The following EFNA5 variants were observed in gnomAD, a reference collection of about 807,000 sequenced individuals.
EFNA5 encodes the protein ephrin-A5.
A neutral mutation model predicts 22.9 loss-of-function variants in EFNA5; 5 were observed. The ratio of observed to expected loss-of-function variants is 0.22; its 90% CI spans 0.11 to 0.46. EFNA5 has a LOEUF of 0.46. EFNA5 is among the 20% of genes least tolerant of loss of function. The pLI is 0.99. For synonymous variants in EFNA5, 113 were observed against 112.2 expected (o/e 1.01, Z -0.04); for missense variants, 237 against 293.3 (o/e 0.81, Z 1.40).
At chr5:107,546,247 G>C (rs1401520789) in intron 1 of EFNA5, among the ~76,000 whole-genome samples, 2 of 152,174 alleles carry the variant, frequency 1.3e-5, no homozygotes, top group African/African-American at 2.4e-5. Context: ...CCTAGCACTG[G>C]TGCGGCTGCT....
intron 1 of EFNA5, among the ~76,000 whole-genome samples, chr5:107,494,556 G>A (rs1216244607): frequency 1.3e-5 from 2 of 152,192 alleles, no homozygotes; most frequent in Non-Finnish European, 2.9e-5. Context: ...CAGTCCCATC[G>A]ACCACCCAAG....
intron 1 of EFNA5, among the ~76,000 whole-genome samples, chr5:107,574,726 C>T (rs1376562649): frequency 6.6e-6 from 1 of 152,176 alleles, no homozygotes; most frequent in Non-Finnish European, 1.5e-5. Context: ...TAATGCCTGT[C>T]TTTAAAAGAT....
chr5:107,543,452 A>T (rs1307080142), intron 1 of EFNA5, among the ~76,000 whole-genome samples: 1 of 152,228 alleles, frequency 6.6e-6, no homozygotes, highest in East Asian at 1.9e-4. Flanking sequence ...GGGGAAAGTT[A>T]TCTTCCTTAC....
chr5:107,432,810 G>A (rs1748998953), intron 1 of EFNA5, among the ~76,000 whole-genome samples: 1 of 152,084 alleles, frequency 6.6e-6, no homozygotes, highest in Non-Finnish European at 1.5e-5. Context: ...GGTTTGAACT[G>A]CATGGATCCA....
intron 1 of EFNA5, among the ~76,000 whole-genome samples, chr5:107,644,359 A>G (rs528362639): frequency 6.6e-6 from 1 of 152,314 alleles, no homozygotes; most frequent in South Asian, 2.1e-4. Context: ...TGAGGAAAAA[A>G]AAGAATCATT....
At chr5:107,398,176 C>G (rs1207494982) in intron 2 of EFNA5, among the ~76,000 whole-genome samples, 3 of 152,128 alleles carry the variant, frequency 2.0e-5, no homozygotes, top group Non-Finnish European at 4.4e-5. Flanking sequence ...GGCATACATT[C>G]ATAGCTTGTA....
At chr5:107,628,949 T>C (rs922467436) in intron 1 of EFNA5, among the ~76,000 whole-genome samples, 28 of 151,912 alleles carry the variant, frequency 1.8e-4, no homozygotes, top group Non-Finnish European at 4.0e-4. Flanking sequence ...ATACAGAAAA[T>C]AAATGGTAAG....
intron 1 of EFNA5, among the ~76,000 whole-genome samples, chr5:107,509,808 A>G (rs1256047571): frequency 6.6e-6 from 1 of 152,230 alleles, no homozygotes; most frequent in African/African-American, 2.4e-5. Context: ...TGATCCTAGC[A>G]GATGCTCAAT....
At chr5:107,572,024 G>T (rs1748819586) in intron 1 of EFNA5, among the ~76,000 whole-genome samples, 1 of 152,110 alleles carries the variant, frequency 6.6e-6, no homozygotes, top group Admixed American at 6.5e-5. Flanking sequence ...AAACAGCAGC[G>T]TGGACAGACA....
intron 1 of EFNA5, among the ~76,000 whole-genome samples, chr5:107,562,833 T>C (rs1417276423): frequency 6.6e-6 from 1 of 152,224 alleles, no homozygotes; most frequent in Admixed American, 6.5e-5. Flanking sequence ...TATGAGCTTA[T>C]AAAGCCAAAT....
At position 107,607,721 on chromosome 5, in the gene EFNA5, G is replaced by A. The variant is rs968881848; in HGVS notation, c.125+62768C>T. On this transcript the variant is annotated intron_variant, in intron 1 of 4. Transcript: ENST00000333274. ...TCCAAACTTGCTGTGAGGAGTGGAG[G>A]GGGAGAGGAAGGAGGGAGTGTATGA... Among the ~76,000 whole-genome samples the A allele has an allele frequency of 3.3e-5, 5 of 152,084 alleles. 1 individual carries two copies. Among genetic ancestry groups the A allele is most frequent in the South Asian group, 2.1e-4 (1 of 4,822 alleles).
intron 1 of EFNA5, among the ~76,000 whole-genome samples, chr5:107,670,117 G>A (rs1751158884): frequency 6.6e-6 from 1 of 150,972 alleles, no homozygotes; most frequent in South Asian, 2.1e-4. Flanking sequence ...CCAGGAAGGA[G>A]CTCCCGGCTG....
At chr5:107,563,003 A>G (rs2112478980) in intron 1 of EFNA5, among the ~76,000 whole-genome samples, 1 of 152,302 alleles carries the variant, frequency 6.6e-6, no homozygotes, top group East Asian at 1.9e-4. Flanking sequence ...ACAAACCAAC[A>G]TGAAAGTCAG....
In EFNA5 at chr5:107,662,637, G is replaced by A. The variant is rs1360074459; in HGVS notation, c.125+7852C>T. Among the ~76,000 whole-genome samples the A allele has an allele frequency of 2.6e-5, 4 of 152,082 alleles. No individual in the cohort carries two copies. In the East Asian group the frequency reaches 5.8e-4, roughly 22 times the overall value. ...CTATGAGAACCCACAAGAAAGATTT[G>A]TTCTAATGTGATAGGAAGAGCCTAT... On this transcript the variant is annotated intron_variant, in intron 1 of 4. Transcript: ENST00000333274.
intron 1 of EFNA5, among the ~76,000 whole-genome samples, chr5:107,460,705 A>C (rs1375584920): frequency 1.3e-5 from 2 of 152,216 alleles, no homozygotes; most frequent in African/African-American, 4.8e-5. Context: ...AAAACAGAAG[A>C]GAGGGAGAAG....
intron 1 of EFNA5, among the ~76,000 whole-genome samples, chr5:107,664,831 A>G (rs571109771): frequency 6.6e-6 from 1 of 152,282 alleles, no homozygotes; most frequent in South Asian, 2.1e-4. Context: ...CAGTTTGTAT[A>G]CTGCTTCTGA....
At chr5:107,475,698 C>CTTAT (rs1429089392) in intron 1 of EFNA5, among the ~76,000 whole-genome samples, 1 of 151,998 alleles carries the variant, frequency 6.6e-6, no homozygotes, top group Non-Finnish European at 1.5e-5. Flanking sequence ...CTGCATAAGA[C>CTTAT]TTATACATCT....
intron 1 of EFNA5, among the ~76,000 whole-genome samples, chr5:107,501,172 C>T (rs1466208211): frequency 6.6e-6 from 1 of 152,122 alleles, no homozygotes; most frequent in Non-Finnish European, 1.5e-5. Context: ...AGCCACAGGC[C>T]CTTGTTAAAA....
At chr5:107,593,202 G>A (rs778145126) in intron 1 of EFNA5, among the ~76,000 whole-genome samples, 1 of 152,146 alleles carries the variant, frequency 6.6e-6, no homozygotes, top group Non-Finnish European at 1.5e-5. Flanking sequence ...CAGATACAGA[G>A]ACTCGACCCT....
Sources: allele counts gnomAD v4.1 joint callset (sites outside exome capture counted in the v4.1 genomes callset), GRCh38; gene constraint gnomAD v4.1.1; transcripts MANE v1.5; gene names NCBI Gene and HGNC (gene_info 2026-07-23, HGNC 2026-07-21).